The following FAM180A variants were observed in gnomAD, a reference collection of about 807,000 sequenced individuals.
FAM180A encodes the protein family with sequence similarity 180 member A.
Under a neutral mutation model 15.3 loss-of-function variants are expected in FAM180A, and 14 were observed. That is an observed-to-expected ratio of 0.92 (90% confidence interval 0.61 to 1.43). The LOEUF is 1.43. FAM180A is among the 40% of genes most tolerant of loss of function. The pLI is 0.00. For synonymous variants in FAM180A, 90 were observed against 96.8 expected (o/e 0.93, Z 0.41); for missense variants, 200 against 220.8 (o/e 0.91, Z 0.60).
At chr7:135,743,222 T>C (rs1184164799) in intron 1 of FAM180A, among the ~76,000 whole-genome samples, 2 of 34,996 alleles carry the variant, frequency 5.7e-5, no homozygotes, top group Admixed American at 3.6e-4. Flanking sequence ...TTGTTCCTTT[T>C]TTTTTTTTTT....
At chr7:135,737,385 G>A (rs1224443523) in intron 1 of FAM180A, among the ~76,000 whole-genome samples, 186 bp from the exon 2 acceptor site, 3 of 151,566 alleles carry the variant, frequency 2.0e-5, no homozygotes, top group South Asian at 2.1e-4. Flanking sequence ...TCAGGAGTTC[G>A]AAACCAGCCT....
At chr7:135,735,758 G>A (rs1291634178) in intron 2 of FAM180A, among the ~76,000 whole-genome samples, 1 of 151,930 alleles carries the variant, frequency 6.6e-6, no homozygotes, top group African/African-American at 2.4e-5. Flanking sequence ...GCTGGAGTAC[G>A]GTGGTGCGAT....
intron 1 of FAM180A, among the ~76,000 whole-genome samples, chr7:135,744,548 G>A (rs567581868): frequency 1.1e-4 from 17 of 152,314 alleles, no homozygotes; most frequent in African/African-American, 3.8e-4. Context: ...CCTGTGCGTG[G>A]GGGTCCTCTG....
Position 135,742,108 on chromosome 7 carries a change from G to T in FAM180A, c.77-4909C>A, listed in dbSNP as rs551953409. 6.3e-4 allele frequency among the ~76,000 whole-genome samples: 96 copies of T among 152,256 alleles called. 1 individual carries two copies. The highest frequency in any genetic ancestry group is 2.1e-3 in the African/African-American group (89 of 41,558). On this transcript the variant is annotated intron_variant, in intron 1 of 3. Transcript: ENST00000338588. ...TTGGGCAGGGGTAGGGACGGCTGCT[G>T]GAGTGCAGCCAGCTCTAGGGCAGAC...
chr7:135,745,373 C>A (rs1271978002), intron 1 of FAM180A, among the ~76,000 whole-genome samples: 1 of 152,160 alleles, frequency 6.6e-6, no homozygotes, highest in African/African-American at 2.4e-5. Context: ...TCATTCATAT[C>A]CTTAATAGGT....
chr7:135,745,479 G>A (rs764972209), intron 1 of FAM180A, among the ~76,000 whole-genome samples: 1 of 151,962 alleles, frequency 6.6e-6, no homozygotes, highest in Non-Finnish European at 1.5e-5. Context: ...CTGTGTGTGT[G>A]TGTGTGTGTT....
rs141779084 is a variant in FAM180A at position 135,745,762 on chromosome 7, C to T, written c.76+2743G>A. Among the ~76,000 whole-genome samples, 311 of 121,942 alleles carry T rather than the reference C, an allele frequency of 2.6e-3. 2 individuals carry two copies. Among genetic ancestry groups the T allele is most frequent in the African/African-American group, 9.4e-3 (299 of 31,706 alleles). 80.0% of individuals were successfully genotyped at this position (121,942 alleles called of 152,430 possible). ...GAGCAGGAGGGTGGGAGGATGGACA[C>T]GGGGTAGTGGTGGGGCTGGGGGCCA... On this transcript the variant is annotated intron_variant, in intron 1 of 3. Transcript: ENST00000338588.
intron 1 of FAM180A, among the ~76,000 whole-genome samples, chr7:135,738,078 A>G (rs1217329481): frequency 6.6e-6 from 1 of 152,234 alleles, no homozygotes; most frequent in Non-Finnish European, 1.5e-5. Context: ...GCTGCCAAGA[A>G]TCTGAACACA....
intron 1 of FAM180A, among the ~76,000 whole-genome samples, chr7:135,747,272 T>C (rs1005852305): frequency 6.6e-6 from 1 of 152,158 alleles, no homozygotes; most frequent in African/African-American, 2.4e-5. Context: ...ATACCTACTA[T>C]GTGCCCACAG....
rs544991916 is a variant in FAM180A at position 135,733,670 on chromosome 7, C to T, written c.*305G>A. 42 of 1,133,564 alleles carry T rather than the reference C, an allele frequency of 3.7e-5. No individual in the cohort carries two copies. In the African/African-American group the frequency reaches 6.8e-4, roughly 18 times the overall value. The allele number at this position is 1,133,564 out of a possible 1,614,324, so 70.2% of individuals were successfully genotyped here. A position where few individuals can be genotyped will look rare whatever the true frequency, so the allele number is the denominator to read the frequency against. On this transcript the variant is annotated 3_prime_UTR_variant, in exon 3 of 4. Coordinates refer to ENST00000338588, the MANE Select transcript of FAM180A (RefSeq NM_205855.4). ...CCTGTTCTCACTCTTGAGTGTGTGG[C>T]CACTGCTCTGGGTTGAAGCATATCA...
In FAM180A at chr7:135,748,776, A is replaced by G. The variant is rs1797067226; in HGVS notation, c.-196T>C. 1.7e-6 allele frequency: 1 copy of G among 581,678 alleles called. No homozygotes were observed. The highest frequency in any genetic ancestry group is 2.9e-5 in the East Asian group (1 of 34,326). 36.0% of individuals were successfully genotyped at this position (581,678 alleles called of 1,614,324 possible). A position where few individuals can be genotyped will look rare whatever the true frequency, so the allele number is the denominator to read the frequency against. The stretch of plus-strand genomic sequence containing the variant: ...CGTCCTGGGTGGGACAGGAGTCGGT[A>G]CCTCTCTTCATTTGACGCTCTCTGG... On this transcript the variant is annotated 5_prime_UTR_variant, in exon 1 of 4. Coordinates refer to ENST00000338588, the MANE Select transcript of FAM180A (RefSeq NM_205855.4).
chr7:135,748,172 G>C (rs114235786), intron 1 of FAM180A, among the ~76,000 whole-genome samples: 5,966 of 152,228 alleles, frequency 0.039, 381 homozygotes, highest in African/African-American at 0.14. Flanking sequence ...CTCTCCAGAC[G>C]GTCTGGCCCA....
rs1465556156 is a variant in FAM180A, at chr7:135,733,622, C to T, written c.*329+24G>A. On this transcript the variant is annotated intron_variant, in intron 3 of 3. Transcript: ENST00000338588. The stretch of plus-strand genomic sequence containing the variant: ...TCAGCCTCCTAAAGTGCTGGGATTA[C>T]AGGCGTGAGCCTCTGTGCCCGGCCT... 6.8e-6 allele frequency: 7 copies of T among 1,025,326 alleles called. No homozygotes were observed. In the African/African-American group the frequency reaches 1.0e-4, roughly 15 times the overall value. The allele number at this position is 1,025,326 out of a possible 1,614,324, so 63.5% of individuals were successfully genotyped here.
In FAM180A at chr7:135,729,656, AT is replaced by A. The variant is rs1796752319; in HGVS notation, c.*954del. The A allele has an allele frequency of 1.0e-6, 1 of 982,134 alleles. No homozygotes were observed. The highest frequency in any genetic ancestry group is 1.7e-5 in the African/African-American group (1 of 57,170). 60.8% of individuals were successfully genotyped at this position (982,134 alleles called of 1,614,324 possible). On this transcript the variant is annotated 3_prime_UTR_variant, in exon 4 of 4. Transcript: ENST00000338588. The stretch of plus-strand genomic sequence containing the variant: ...ATAGATGAATATTTGTTAAATAAAA[AT>A]AGGTACAGCAAGTGTACAATAAGAC...
At chr7:135,747,888 G>A (rs1797053043) in intron 1 of FAM180A, among the ~76,000 whole-genome samples, 1 of 152,184 alleles carries the variant, frequency 6.6e-6, no homozygotes, top group African/African-American at 2.4e-5. Flanking sequence ...CATCCAGCTA[G>A]GAGGAACTAC....
intron 2 of FAM180A, among the ~76,000 whole-genome samples, chr7:135,735,513 T>C (rs1796857710): frequency 6.6e-6 from 1 of 152,162 alleles, no homozygotes; most frequent in Non-Finnish European, 1.5e-5. Flanking sequence ...CTTCTCTCTG[T>C]CTCTGTCCTC....
At chr7:135,743,972 G>T (rs995508026) in intron 1 of FAM180A, among the ~76,000 whole-genome samples, 8 of 152,150 alleles carry the variant, frequency 5.3e-5, no homozygotes, top group African/African-American at 1.9e-4. Context: ...TCAGAAAGTA[G>T]ATGTTGACTT....
intron 2 of FAM180A, among the ~76,000 whole-genome samples, chr7:135,736,300 C>G (rs941479084): frequency 6.6e-6 from 1 of 152,232 alleles, no homozygotes; most frequent in African/African-American, 2.4e-5. Flanking sequence ...GGATTACAGG[C>G]GTAAGCCACC....
At position 135,734,276 on chromosome 7, in the gene FAM180A, G is replaced by A. The variant is rs1462818400; in HGVS notation, c.221C>T (p.Ser74Phe). The change falls in exon 3 of 4, where the codon TCC (serine) becomes TTC (phenylalanine). Residue 74 changes from serine (S) to phenylalanine (F), a missense_variant. By Grantham distance (155) the Ser-to-Phe change is radical. Transcript: ENST00000338588. ...ELEISPDLQISIKDEELASLR... is the reference protein window; with the variant it reads ...ELEISPDLQIFIKDEELASLR... ...GGAGGCCAGCTCCTCGTCCTTGATG[G>A]AGATCTGCAGGTCAGGGCTGATCTC... 3 of 1,613,326 alleles carry A rather than the reference G, an allele frequency of 1.9e-6. No homozygotes were observed. In the African/African-American group the frequency reaches 4.0e-5, roughly 22 times the overall value.
Sources: allele counts gnomAD v4.1 joint callset (sites outside exome capture counted in the v4.1 genomes callset), GRCh38; gene constraint gnomAD v4.1.1; transcripts MANE v1.5; gene names NCBI Gene and HGNC (gene_info 2026-07-23, HGNC 2026-07-21).